Variants in RCOR1 observed in about 807,000 individuals in gnomAD.
RCOR1 encodes REST corepressor 1, also known as REST corepressor.
In RCOR1, 12 loss-of-function variants were observed where a neutral mutation model predicts 64.0. The observed-to-expected ratio is 0.19, with a 90% confidence interval of 0.12 to 0.30. RCOR1 has a LOEUF of 0.30. Among genes scored for constraint, RCOR1 ranks in the 10% least tolerant of loss-of-function variants. RCOR1 has a pLI of 1.00. For missense variants in RCOR1, 502 were observed against 621.2 expected (o/e 0.81, Z 2.04); for synonymous variants, 279 against 227.2 (o/e 1.23, Z -2.05).
At chr14:102,679,472 C>T (rs1895258189) in intron 2 of RCOR1, among the ~76,000 whole-genome samples, 1 of 151,376 alleles carries the variant, frequency 6.6e-6, no homozygotes. Flanking sequence ...CCATTTATTT[C>T]CCTTTTTTTT....
chr14:102,655,722 G>A (rs1894708581), intron 2 of RCOR1, among the ~76,000 whole-genome samples: 1 of 152,104 alleles, frequency 6.6e-6, no homozygotes. Flanking sequence ...GGAGGCTGAG[G>A]CGAGCGAATT....
chr14:102,653,995 T>TCTTTCTTTCTTTC (rs1567423523), intron 2 of RCOR1, among the ~76,000 whole-genome samples: 1 of 119,112 alleles, frequency 8.4e-6, no homozygotes, highest in African/African-American at 3.7e-5. Flanking sequence ...TTTTTTTTTT[T>TCTTTCTTTCTTTC]TTTTTTTTGA....
chr14:102,724,100 A>T (rs1298541393), intron 11 of RCOR1, among the ~76,000 whole-genome samples: 1 of 151,946 alleles, frequency 6.6e-6, no homozygotes, highest in Admixed American at 6.6e-5. Flanking sequence ...GGATTGCATT[A>T]TCAAAGTACC....
At chr14:102,688,010 A>G (rs1895456937) in intron 3 of RCOR1, among the ~76,000 whole-genome samples, 1 of 141,820 alleles carries the variant, frequency 7.1e-6, no homozygotes, top group Non-Finnish European at 1.5e-5. Flanking sequence ...TCTGTTGCCC[A>G]TGCTGGAGTA....
intron 2 of RCOR1, among the ~76,000 whole-genome samples, chr14:102,668,368 G>T (rs1375203211): frequency 6.6e-6 from 1 of 152,174 alleles, no homozygotes; most frequent in East Asian, 1.9e-4. Flanking sequence ...GCAATTGACC[G>T]AACAGTACTA....
intron 2 of RCOR1, among the ~76,000 whole-genome samples, chr14:102,642,500 TA>T (rs914070610): frequency 6.6e-6 from 1 of 152,180 alleles, no homozygotes; most frequent in Admixed American, 6.6e-5. Context: ...AAAAAAGTCT[TA>T]GGCCGATTTG....
At position 102,605,311 on chromosome 14, in the gene RCOR1, T is replaced by C. The variant is rs143581686; in HGVS notation, c.361+11986T>C. 2.1e-4 allele frequency among the ~76,000 whole-genome samples: 32 copies of C among 152,312 alleles called. No homozygotes were observed. In the East Asian group the frequency reaches 6.2e-3, roughly 29 times the overall value. On this transcript the variant is annotated intron_variant, in intron 2 of 11. Transcript: ENST00000262241. Reference sequence around the variant, plus strand: ...TGGACTGAGTTGCTTTATTCCTGCATGTATGTTGAAATAGTCATCTTCACA... The same window carrying C: ...TGGACTGAGTTGCTTTATTCCTGCACGTATGTTGAAATAGTCATCTTCACA...
intron 2 of RCOR1, among the ~76,000 whole-genome samples, chr14:102,613,581 C>T (rs1254550990): frequency 2.6e-5 from 4 of 151,676 alleles, no homozygotes; most frequent in African/African-American, 7.3e-5. Context: ...TACAGGCGCC[C>T]GCCACTGCGC....
chr14:102,644,157 T>C (rs567052657), intron 2 of RCOR1, among the ~76,000 whole-genome samples: 2 of 152,218 alleles, frequency 1.3e-5, no homozygotes, highest in African/African-American at 2.4e-5. Flanking sequence ...GCTTTCTTCC[T>C]GGTGTCTCAG....
At chr14:102,665,730 A>G (rs1251281708) in intron 2 of RCOR1, among the ~76,000 whole-genome samples, 1 of 152,208 alleles carries the variant, frequency 6.6e-6, no homozygotes, top group Admixed American at 6.5e-5. Context: ...CAGTGTTAGG[A>G]TCTAAGTGCA....
chr14:102,606,006 A>G (rs1012391416), intron 2 of RCOR1, among the ~76,000 whole-genome samples: 1 of 152,102 alleles, frequency 6.6e-6, no homozygotes, highest in African/African-American at 2.4e-5. Context: ...GCTCACTGCA[A>G]CCTCTGCTTC....
chr14:102,607,034 A>G (rs1485972437), intron 2 of RCOR1, among the ~76,000 whole-genome samples: 3 of 150,844 alleles, frequency 2.0e-5, no homozygotes, highest in African/African-American at 7.3e-5. Context: ...CCCGGATTCA[A>G]GTGGTTCTCC....
intron 2 of RCOR1, among the ~76,000 whole-genome samples, chr14:102,658,814 GT>G (rs1306937832): frequency 6.6e-6 from 1 of 152,194 alleles, no homozygotes; most frequent in Non-Finnish European, 1.5e-5. Flanking sequence ...CCAGTTTGCT[GT>G]TTTTCACATG....
rs193220308 is a variant in RCOR1, at chr14:102,620,884, A to G, written c.361+27559A>G. 1.6e-3 allele frequency among the ~76,000 whole-genome samples: 237 copies of G among 152,218 alleles called. 2 individuals are homozygous for G. Among genetic ancestry groups the G allele is most frequent in the Non-Finnish European group, 2.7e-3 (185 of 68,020 alleles). On this transcript the variant is annotated intron_variant, in intron 2 of 11. Transcript: ENST00000262241. ...TTCACTTCATTCAGATCATTGCTCA[A>G]TAAGGCCTCTCCTAACCTACCTATC...
chr14:102,670,025 A>G (rs1226664711), intron 2 of RCOR1, among the ~76,000 whole-genome samples: 1 of 152,166 alleles, frequency 6.6e-6, no homozygotes, highest in African/African-American at 2.4e-5. Flanking sequence ...ACCTCAGCTC[A>G]CTGCAACCTC....
Position 102,701,338 on chromosome 14 carries a change from C to A in RCOR1, c.498+8C>A. The A allele has an allele frequency of 6.4e-7, 1 of 1,569,290 alleles. No individual in the cohort carries two copies. The stretch of plus-strand genomic sequence containing the variant: ...GGGTACAACATGGAACAGGTAATAT[C>A]ATGGTTTTCTTTCTTTTGCTGTTAA... On this transcript the variant is annotated splice_region_variant and intron_variant, in intron 4 of 11. Transcript: ENST00000262241.
At chr14:102,605,733 T>G (rs1040603589) in intron 2 of RCOR1, among the ~76,000 whole-genome samples, 1 of 152,202 alleles carries the variant, frequency 6.6e-6, no homozygotes, top group African/African-American at 2.4e-5. Context: ...ATCAGTTTGC[T>G]GTAAAACAGC....
chr14:102,618,747 C>A (rs947775680), intron 2 of RCOR1, among the ~76,000 whole-genome samples: 1 of 152,054 alleles, frequency 6.6e-6, no homozygotes, highest in Non-Finnish European at 1.5e-5. Flanking sequence ...TCATAAAATA[C>A]CTAGTCTAGT....
chr14:102,613,394 A>AC (rs1893675036), intron 2 of RCOR1, among the ~76,000 whole-genome samples: 1 of 146,754 alleles, frequency 6.8e-6, no homozygotes, highest in Non-Finnish European at 1.5e-5. Flanking sequence ...GAGCCATCGC[A>AC]CCTGGCCTTT....
Sources: allele counts gnomAD v4.1 joint callset (sites outside exome capture counted in the v4.1 genomes callset), GRCh38; gene constraint gnomAD v4.1.1; transcripts MANE v1.5; gene names NCBI Gene and HGNC (gene_info 2026-07-23, HGNC 2026-07-21).